Variants in RGS3 observed in about 807,000 individuals in gnomAD.
RGS3 encodes regulator of G-protein signalling 3.
RGS3 carries 80 observed loss-of-function variants against 132.6 expected under a neutral mutation model. The ratio of observed to expected loss-of-function variants is 0.60; its 90% CI spans 0.50 to 0.73. RGS3 has a LOEUF of 0.73. RGS3 is among the 30% of genes least tolerant of loss of function. RGS3 has a pLI of 0.00. For missense variants in RGS3, 1,382 were observed against 1,530.8 expected (o/e 0.90, Z 1.62); for synonymous variants, 598 against 620.6 (o/e 0.96, Z 0.54).
At chr9:113,519,281 T>G (rs893400831) in intron 16 of RGS3, among the ~76,000 whole-genome samples, 3 of 152,056 alleles carry the variant, frequency 2.0e-5, no homozygotes, top group Admixed American at 2.0e-4. Flanking sequence ...AAAGACAAAC[T>G]AAGGAACACA....
chr9:113,597,316 G>A (rs1419669276), exon 25 of RGS3: 12 of 179,216 alleles, frequency 6.7e-5, no homozygotes, highest in Non-Finnish European at 1.2e-4. Context: ...CCAGGCCTGG[G>A]CTCTCGGGCC....
rs979115795 is a variant in RGS3 at position 113,507,409 on chromosome 9, C to T, written c.1208C>T (p.Pro403Leu). 14 of 1,613,818 alleles carry T rather than the reference C, an allele frequency of 8.7e-6. No homozygotes were observed. Among genetic ancestry groups the T allele is most frequent in the Non-Finnish European group, 1.2e-5 (14 of 1,180,036 alleles). ...TCGACACATGACCTCCAGTCACCCC[C>T]CAACAAACGGGAGAAGAACTGCACC... Residue 403 changes from proline to leucine, a missense_variant, in exon 13 of 25, where the codon CCC becomes CTC. Transcript: ENST00000350696. The surrounding 1 kb of genome is among the most constrained non-coding windows in gnomAD (Gnocchi z 5.0).
At chr9:113,445,602 C>G (rs918503731) in intron 1 of RGS3, among the ~76,000 whole-genome samples, 4 of 152,128 alleles carry the variant, frequency 2.6e-5, no homozygotes, top group African/African-American at 7.2e-5. Flanking sequence ...TATTCTAGGC[C>G]CATACTCAGA....
At chr9:113,558,767 C>T (rs28663098) in intron 19 of RGS3, among the ~76,000 whole-genome samples, 1 of 152,228 alleles carries the variant, frequency 6.6e-6, no homozygotes, top group African/African-American at 2.4e-5. Flanking sequence ...TGAGCTAGCC[C>T]ATGCCCTATT....
intron 20 of RGS3, among the ~76,000 whole-genome samples, chr9:113,584,842 TA>T (rs1309745504): frequency 6.6e-6 from 1 of 152,256 alleles, no homozygotes; most frequent in Non-Finnish European, 1.5e-5. Context: ...CTAAGCAGTT[TA>T]CATTAACTCA....
intron 4 of RGS3, among the ~76,000 whole-genome samples, chr9:113,482,581 A>T (rs1408972306): frequency 6.6e-6 from 1 of 152,130 alleles, no homozygotes; most frequent in Admixed American, 6.5e-5. Flanking sequence ...TGGCCCCTTC[A>T]TTCCTAGAAG....
At chr9:113,526,726 C>T (rs1832229994) in intron 17 of RGS3, among the ~76,000 whole-genome samples, 1 of 152,168 alleles carries the variant, frequency 6.6e-6, no homozygotes, top group Non-Finnish European at 1.5e-5. Context: ...GCCCACCCAG[C>T]CCGTGATTGG....
intron 19 of RGS3, 28 bp from the exon 18 acceptor site, chr9:113,583,422 C>T (rs756956617): frequency 5.0e-6 from 8 of 1,612,176 alleles, no homozygotes; most frequent in Admixed American, 1.7e-5. Context: ...CTCTTCTGAA[C>T]TGTTCTTGTT....
At chr9:113,515,070 T>G (rs984279400) in intron 15 of RGS3, among the ~76,000 whole-genome samples, 6 of 152,204 alleles carry the variant, frequency 3.9e-5, no homozygotes, top group African/African-American at 1.2e-4. Flanking sequence ...CTCCCTGGTC[T>G]CTGCAAACAA....
intron 3 of RGS3, among the ~76,000 whole-genome samples, chr9:113,474,773 C>T (rs1161933165): frequency 6.6e-6 from 1 of 152,214 alleles, no homozygotes; most frequent in Non-Finnish European, 1.5e-5. Flanking sequence ...AGGATGCCTG[C>T]TGCTTCATGC....
chr9:113,548,425 T>C (rs1381778208), intron 19 of RGS3, among the ~76,000 whole-genome samples: 1 of 152,154 alleles, frequency 6.6e-6, no homozygotes, highest in African/African-American at 2.4e-5. Flanking sequence ...CATGTGCTTG[T>C]TGGAGCAGAA....
At chr9:113,475,143 C>T (rs1347130291) in intron 3 of RGS3, among the ~76,000 whole-genome samples, 1 of 152,140 alleles carries the variant, frequency 6.6e-6, no homozygotes, top group Non-Finnish European at 1.5e-5. Context: ...CATATGGGGC[C>T]CTGTCTATTC....
At chr9:113,532,892 G>T (rs1027784770) in intron 18 of RGS3, among the ~76,000 whole-genome samples, 2 of 152,204 alleles carry the variant, frequency 1.3e-5, no homozygotes, top group Admixed American at 6.5e-5. Flanking sequence ...CTCTGCAGCT[G>T]CTCTGAGACC....
At chr9:113,449,348 C>T (rs941369155) in intron 1 of RGS3, among the ~76,000 whole-genome samples, 8 of 152,002 alleles carry the variant, frequency 5.3e-5, no homozygotes, top group South Asian at 4.1e-4. Context: ...GCTTTATTAT[C>T]GGAAATGTGA....
At position 113,537,310 on chromosome 9, in the gene RGS3, T is replaced by A. The variant is rs527292233; in HGVS notation, c.2037+392T>A. On this transcript the variant is annotated intron_variant, in intron 19 of 24. Coordinates refer to ENST00000350696, the Ensembl canonical transcript of RGS3. This position sits in a 1 kb window ranked among gnomAD's most constrained non-coding sequence, Gnocchi z 4.3. ...GTGTTTAACATTGGCCCCAGGCGGA[T>A]GCGATAGAGGGGATGTTTGCGGCAG... Among the ~76,000 whole-genome samples the A allele has an allele frequency of 6.6e-6, 1 of 152,264 alleles. No homozygotes were observed. Among genetic ancestry groups the A allele is most frequent in the Non-Finnish European group, 1.5e-5 (1 of 68,002 alleles).
chr9:113,501,862 TA>T (rs1279466596), intron 10 of RGS3, among the ~76,000 whole-genome samples: 30 of 152,214 alleles, frequency 2.0e-4, no homozygotes, highest in Admixed American at 1.6e-3. Flanking sequence ...TTTGGTGAGA[TA>T]ATCCAGCTAG....
intron 19 of RGS3, among the ~76,000 whole-genome samples, chr9:113,580,041 G>A (rs531534649): frequency 2.4e-4 from 37 of 152,142 alleles, no homozygotes; most frequent in South Asian, 1.7e-3. Flanking sequence ...TAATTGCTCC[G>A]GAGCTCCCGT....
Position 113,463,865 on chromosome 9 carries a change from C to T in RGS3, c.415+1664C>T. The T allele has an allele frequency of 6.2e-7, 1 of 1,613,226 alleles. No individual in the cohort carries two copies. The highest frequency in any genetic ancestry group is 8.5e-7 in the Non-Finnish European group (1 of 1,179,820). On this transcript the variant is annotated intron_variant, in intron 3 of 24. Transcript: ENST00000350696. This position sits in a 1 kb window ranked among gnomAD's most constrained non-coding sequence, Gnocchi z 4.6. ...GGCGTGCCCACCCGGACTTGTCCTTCTACCTCACCACCTTTGGTAAGTGCC... is the reference window on the plus strand; with the variant it reads ...GGCGTGCCCACCCGGACTTGTCCTTTTACCTCACCACCTTTGGTAAGTGCC...
At position 113,463,689 on chromosome 9, in the gene RGS3, G is replaced by T; in HGVS notation, c.415+1488G>T. The T allele has an allele frequency of 7.1e-7, 1 of 1,413,108 alleles. No individual in the cohort carries two copies. The highest frequency in any genetic ancestry group is 1.5e-5 in the South Asian group (1 of 64,904). The allele number at this position is 1,413,108 out of a possible 1,614,324, so 87.5% of individuals were successfully genotyped here. A position where few individuals can be genotyped will look rare whatever the true frequency, so the allele number is the denominator to read the frequency against. On this transcript the variant is annotated intron_variant, in intron 3 of 24. Coordinates refer to ENST00000350696, the Ensembl canonical transcript of RGS3. The surrounding 1 kb of genome is among the most constrained non-coding windows in gnomAD (Gnocchi z 4.6). Reference sequence around the variant, plus strand: ...GCGCGCCCTGGCCGTTCCAACGCTTGGGGCAGCCCTACCTCCCGCTCGCGC... The same window carrying T: ...GCGCGCCCTGGCCGTTCCAACGCTTTGGGCAGCCCTACCTCCCGCTCGCGC...
Sources: gnomAD v4.1 joint callset for allele counts (sites outside exome capture counted in the v4.1 genomes callset) on GRCh38, gnomAD v4.1.1 for gene constraint, Gnocchi (gnomAD v3.1) non-coding constraint, MANE v1.5 for transcripts, NCBI Gene and HGNC (gene_info 2026-07-23, HGNC 2026-07-21) for gene names.